Variants in CTNNA3 observed in about 807,000 individuals in gnomAD.
CTNNA3 encodes catenin alpha 3.
In CTNNA3, 76 loss-of-function variants were observed where a neutral mutation model predicts 95.7. The ratio of observed to expected loss-of-function variants is 0.79; its 90% CI spans 0.66 to 0.96. The LOEUF (loss-of-function observed/expected upper bound fraction) is 0.96. Ranked by LOEUF, CTNNA3 falls within the 40% of genes least tolerant of loss-of-function variation. The pLI is 0.00. For missense variants in CTNNA3, 1,191 were observed against 1,089.8 expected (o/e 1.09, Z -1.31); for synonymous variants, 431 against 374.4 (o/e 1.15, Z -1.74).
At chr10:66,997,936 G>T (rs939748652) in intron 7 of CTNNA3, among the ~76,000 whole-genome samples, 1 of 152,042 alleles carries the variant, frequency 6.6e-6, no homozygotes, top group Non-Finnish European at 1.5e-5. Context: ...AAATCTATTT[G>T]TTCCTCTTCA....
intron 1 of CTNNA3, among the ~76,000 whole-genome samples, chr10:67,713,584 C>G (rs892972601): frequency 6.6e-6 from 1 of 152,174 alleles, no homozygotes; most frequent in African/African-American, 2.4e-5. Flanking sequence ...CACATATACA[C>G]CATGGAATAC....
At chr10:67,330,950 TCATA>T in intron 5 of CTNNA3, among the ~76,000 whole-genome samples, 1 of 152,316 alleles carries the variant, frequency 6.6e-6, no homozygotes, top group Non-Finnish European at 1.5e-5. Context: ...ATGGTGGAAT[TCATA>T]CTTGCTGAAA....
chr10:66,439,433 G>A (rs1343446146), intron 11 of CTNNA3, among the ~76,000 whole-genome samples: 2 of 152,098 alleles, frequency 1.3e-5, no homozygotes, highest in Non-Finnish European at 2.9e-5. Flanking sequence ...ATTTTGTAGA[G>A]AGTAGTTGTT....
intron 3 of CTNNA3, among the ~76,000 whole-genome samples, chr10:67,575,364 G>A (rs917018032): frequency 2.0e-5 from 3 of 152,052 alleles, no homozygotes; most frequent in African/African-American, 7.2e-5. Context: ...CTCTGGATTA[G>A]GCACACCATT....
chr10:67,420,026 A>G (rs990919887), intron 5 of CTNNA3, among the ~76,000 whole-genome samples: 6 of 152,104 alleles, frequency 3.9e-5, no homozygotes, highest in African/African-American at 1.4e-4. Flanking sequence ...TAATTTTTGT[A>G]TTTTTAATAG....
chr10:67,218,344 A>G (rs1190704117), intron 6 of CTNNA3, among the ~76,000 whole-genome samples: 1 of 152,160 alleles, frequency 6.6e-6, no homozygotes, highest in East Asian at 1.9e-4. Flanking sequence ...AGAGTGTTTC[A>G]GGCCCCTAAA....
At chr10:66,370,737 TCTCA>T (rs2092747863) in intron 12 of CTNNA3, among the ~76,000 whole-genome samples, 1 of 152,068 alleles carries the variant, frequency 6.6e-6, no homozygotes, top group Non-Finnish European at 1.5e-5. Flanking sequence ...AGAGACAGGG[TCTCA>T]CTCTGTTCCC....
chr10:66,607,952 A>G (rs1844188386), intron 10 of CTNNA3, among the ~76,000 whole-genome samples: 1 of 152,196 alleles, frequency 6.6e-6, no homozygotes, highest in South Asian at 2.1e-4. Flanking sequence ...TGGCCAGAGC[A>G]ATCAGGGAAG....
At position 66,636,216 on chromosome 10, in the gene CTNNA3, T is replaced by G. The variant is rs147412690; in HGVS notation, c.1282-14432A>C. ...ATTTAATTATATGATAAAAATGAAG[T>G]ATAGCTAATTATGTAATATAGAATT... On this transcript the variant is annotated intron_variant, in intron 9 of 17. Transcript: ENST00000433211. Among the ~76,000 whole-genome samples, 6 of 152,152 alleles carry G rather than the reference T, an allele frequency of 3.9e-5. No individual in the cohort carries two copies. In the East Asian group the frequency reaches 1.2e-3, roughly 29 times the overall value.
At chr10:66,421,645 C>G (rs748833366) in intron 11 of CTNNA3, among the ~76,000 whole-genome samples, 7 of 151,006 alleles carry the variant, frequency 4.6e-5, no homozygotes, top group Non-Finnish European at 8.9e-5. Context: ...CCATCCTGGC[C>G]AAAATAGTGA....
At chr10:66,313,492 G>A (rs1309597044) in intron 12 of CTNNA3, among the ~76,000 whole-genome samples, 1 of 152,178 alleles carries the variant, frequency 6.6e-6, no homozygotes, top group East Asian at 1.9e-4. Context: ...GGCGTTTGCT[G>A]CTGTTGATCC....
chr10:66,607,394 T>A (rs988805208), intron 10 of CTNNA3, among the ~76,000 whole-genome samples: 4 of 142,710 alleles, frequency 2.8e-5, no homozygotes, highest in Non-Finnish European at 6.0e-5. Context: ...TATTCCAAAA[T>A]ATTGAGGAGA....
intron 5 of CTNNA3, among the ~76,000 whole-genome samples, chr10:67,447,408 C>T (rs1846795410): frequency 1.3e-5 from 2 of 152,170 alleles, no homozygotes; most frequent in South Asian, 2.1e-4. Context: ...AAAGTGTTTT[C>T]TTTCTCAACT....
intron 9 of CTNNA3, among the ~76,000 whole-genome samples, chr10:66,632,470 G>A (rs951056126): frequency 6.7e-5 from 10 of 149,328 alleles, no homozygotes; most frequent in South Asian, 4.2e-4. Flanking sequence ...CAGGAGAATC[G>A]CTTGAACCTG....
At chr10:66,115,219 G>GA (rs1184005585) in intron 13 of CTNNA3, among the ~76,000 whole-genome samples, 4 of 152,170 alleles carry the variant, frequency 2.6e-5, no homozygotes, top group Admixed American at 1.3e-4. Context: ...TGTGGACACA[G>GA]AAAAAATCTT....
At chr10:65,996,507 G>C (rs1414601932) in intron 15 of CTNNA3, among the ~76,000 whole-genome samples, 2 of 152,132 alleles carry the variant, frequency 1.3e-5, no homozygotes, top group Non-Finnish European at 1.5e-5. Flanking sequence ...GAGCCCCAGG[G>C]AGAAATGCAG....
At chr10:66,507,223 T>A (rs541993271) in intron 11 of CTNNA3, among the ~76,000 whole-genome samples, 2 of 152,268 alleles carry the variant, frequency 1.3e-5, no homozygotes, top group East Asian at 3.9e-4. Context: ...CTTTCAATTT[T>A]ACTTGACACA....
intron 7 of CTNNA3, among the ~76,000 whole-genome samples, chr10:66,830,227 A>G (rs1205100584): frequency 6.6e-6 from 1 of 152,228 alleles, no homozygotes; most frequent in Non-Finnish European, 1.5e-5. Flanking sequence ...ATACCAGATT[A>G]ATACTTTTGT....
chr10:67,564,167 C>A (rs1227477815), intron 3 of CTNNA3, among the ~76,000 whole-genome samples: 1 of 149,816 alleles, frequency 6.7e-6, no homozygotes, highest in Non-Finnish European at 1.5e-5. Context: ...GATCATAAAT[C>A]ATGCTTCTAT....
Sources: allele counts gnomAD v4.1 joint callset (sites outside exome capture counted in the v4.1 genomes callset), GRCh38; gene constraint gnomAD v4.1.1; transcripts MANE v1.5; gene names NCBI Gene and HGNC (gene_info 2026-07-23, HGNC 2026-07-21).